NRXN1: variants seen among roughly 807,000 people sequenced by gnomAD.
NRXN1 encodes neurexin-1.
In NRXN1, 39 loss-of-function variants were observed where a neutral mutation model predicts 150.9. The ratio of observed to expected loss-of-function variants is 0.26; its 90% CI spans 0.20 to 0.34. The LOEUF (loss-of-function observed/expected upper bound fraction) is 0.34, where lower values mean the gene tolerates loss of function less well. Ranked by LOEUF, NRXN1 falls within the 10% of genes least tolerant of loss-of-function variation. The pLI is 1.00. For synonymous variants in NRXN1, 924 were observed against 757.0 expected (o/e 1.22, Z -3.62); for missense variants, 1,815 against 1,949.9 (o/e 0.93, Z 1.30).
At chr2:50,327,227 T>G (rs972816361) in intron 17 of NRXN1, among the ~76,000 whole-genome samples, 8 of 152,120 alleles carry the variant, frequency 5.3e-5, no homozygotes, top group African/African-American at 1.9e-4. Flanking sequence ...AACCAACCAA[T>G]GATACATACA....
At chr2:51,013,041 C>T (rs894137361) in intron 2 of NRXN1, among the ~76,000 whole-genome samples, 2 of 151,944 alleles carry the variant, frequency 1.3e-5, no homozygotes, top group African/African-American at 4.8e-5. Context: ...AGACACCACT[C>T]GAATATTCTG....
chr2:50,830,446 AT>A (rs1671254168), intron 5 of NRXN1, among the ~76,000 whole-genome samples: 1 of 151,958 alleles, frequency 6.6e-6, no homozygotes, highest in Non-Finnish European at 1.5e-5. Context: ...CACTAAGCTA[AT>A]TTAAAAGCAC....
intron 5 of NRXN1, among the ~76,000 whole-genome samples, chr2:50,849,965 G>A (rs1171383785): frequency 1.3e-5 from 2 of 152,074 alleles, no homozygotes; most frequent in Admixed American, 6.5e-5. Context: ...CAACACTTTC[G>A]GAGACTGAGG....
intron 2 of NRXN1, among the ~76,000 whole-genome samples, chr2:50,948,411 C>T (rs1690755751): frequency 6.6e-6 from 1 of 151,870 alleles, no homozygotes; most frequent in Non-Finnish European, 1.5e-5. Context: ...AGCCAGATAA[C>T]AAAAGAAGCA....
chr2:50,394,494 C>G (rs536602238), intron 17 of NRXN1, among the ~76,000 whole-genome samples: 215 of 152,166 alleles, frequency 1.4e-3, no homozygotes, highest in African/African-American at 4.8e-3. Context: ...CTCCACACCT[C>G]TAATCTGTCG....
At chr2:50,135,746 TA>T (rs984716026) in intron 18 of NRXN1, among the ~76,000 whole-genome samples, 48 of 152,024 alleles carry the variant, frequency 3.2e-4, no homozygotes, top group African/African-American at 1.1e-3. Context: ...AGCTGCCCAA[TA>T]ATGTCTGAGC....
intron 21 of NRXN1, among the ~76,000 whole-genome samples, chr2:50,017,573 G>T (rs990876704): frequency 7.9e-5 from 12 of 151,508 alleles, no homozygotes; most frequent in Middle Eastern, 3.4e-3. Context: ...GTATCCTCAA[G>T]AACAGCTCAA....
intron 5 of NRXN1, chr2:50,916,939 T>G (rs1685289764): frequency 6.6e-6 from 1 of 151,734 alleles, no homozygotes; most frequent in Admixed American, 6.6e-5. Context: ...TACTCAGAAC[T>G]AATGAACATG....
At chr2:50,096,804 A>G (rs1227337165) in intron 18 of NRXN1, among the ~76,000 whole-genome samples, 2 of 152,244 alleles carry the variant, frequency 1.3e-5, no homozygotes, top group African/African-American at 4.8e-5. Context: ...ATCATGAAAT[A>G]TGACACTGGG....
intron 18 of NRXN1, among the ~76,000 whole-genome samples, chr2:50,149,137 T>C (rs1428354738): frequency 6.6e-6 from 1 of 151,728 alleles, no homozygotes; most frequent in Non-Finnish European, 1.5e-5. Context: ...TATTTGTTGT[T>C]TATAAAGCAT....
intron 17 of NRXN1, among the ~76,000 whole-genome samples, chr2:50,449,290 CA>C (rs1212192618): frequency 6.6e-6 from 1 of 152,180 alleles, no homozygotes; most frequent in Non-Finnish European, 1.5e-5. Flanking sequence ...TGAATCCATA[CA>C]GAATTTTTCT....
intron 17 of NRXN1, among the ~76,000 whole-genome samples, chr2:50,389,009 A>T (rs1325926785): frequency 2.0e-5 from 3 of 152,036 alleles, no homozygotes; most frequent in Admixed American, 6.6e-5. Context: ...TCTACAAAAA[A>T]TCCCAAAAAT....
intron 10 of NRXN1, among the ~76,000 whole-genome samples, chr2:50,538,017 G>T (rs1558901029): frequency 1.3e-5 from 2 of 152,176 alleles, no homozygotes; most frequent in South Asian, 4.1e-4. Context: ...GGATACTAAA[G>T]ATTCAAGTTT....
rs111411508 is a variant in NRXN1 at position 50,620,567 on chromosome 2, T to C, written c.1159-384A>G. Among the ~76,000 whole-genome samples, 661 of 152,296 alleles carry C rather than the reference T, an allele frequency of 4.3e-3. 2 individuals are homozygous for C. The highest frequency in any genetic ancestry group is 7.5e-3 in the Non-Finnish European group (507 of 68,028). ...ATTAGTAAGGTTTAGTTGTCTGTTATTAACTAATCACAACGTGCACCTTGT... is the reference window on the plus strand; with the variant it reads ...ATTAGTAAGGTTTAGTTGTCTGTTACTAACTAATCACAACGTGCACCTTGT... On this transcript the variant is annotated intron_variant, in intron 7 of 22. Coordinates refer to ENST00000401669, the MANE Select transcript of NRXN1 (RefSeq NM_001330078.2).
At chr2:50,538,946 AG>A (rs2093330312) in intron 9 of NRXN1, among the ~76,000 whole-genome samples, 2 of 152,342 alleles carry the variant, frequency 1.3e-5, no homozygotes, top group South Asian at 4.1e-4. Context: ...TTAAAAATAA[AG>A]AAACTGTAAT....
chr2:50,282,396 G>A (rs1341260326), intron 17 of NRXN1, among the ~76,000 whole-genome samples: 1 of 152,134 alleles, frequency 6.6e-6, no homozygotes, highest in African/African-American at 2.4e-5. Context: ...ATACAAGTTG[G>A]AATTGTGCAG....
intron 17 of NRXN1, among the ~76,000 whole-genome samples, chr2:50,243,056 T>C (rs568606363): frequency 1.3e-5 from 2 of 151,908 alleles, no homozygotes; most frequent in Admixed American, 6.6e-5. Flanking sequence ...GGTCAACAGA[T>C]ACAAAGTTAC....
chr2:50,282,505 T>A (rs940896085), intron 17 of NRXN1, among the ~76,000 whole-genome samples: 5 of 152,116 alleles, frequency 3.3e-5, no homozygotes, highest in Non-Finnish European at 7.4e-5. Flanking sequence ...ACTTCTCGTA[T>A]ACCTGGGTTC....
intron 5 of NRXN1, among the ~76,000 whole-genome samples, chr2:50,787,863 G>C (rs1315005189): frequency 6.6e-6 from 1 of 151,984 alleles, no homozygotes; most frequent in Non-Finnish European, 1.5e-5. Context: ...TTCAGTCCAT[G>C]ATTGCCAATT....
Sources: gnomAD v4.1 joint callset for allele counts (sites outside exome capture counted in the v4.1 genomes callset) on GRCh38, gnomAD v4.1.1 for gene constraint, MANE v1.5 for transcripts, NCBI Gene and HGNC (gene_info 2026-07-23, HGNC 2026-07-21) for gene names.